The following SEMA6A variants were observed in gnomAD, a reference collection of about 807,000 sequenced individuals.
SEMA6A encodes semaphorin 6A, also known as semaphorin-6A.
SEMA6A carries 25 observed loss-of-function variants against 96.8 expected under a neutral mutation model. The observed-to-expected ratio is 0.26, with a 90% confidence interval of 0.19 to 0.36. The LOEUF is 0.36. SEMA6A is among the 10% of genes least tolerant of loss of function. SEMA6A has a pLI of 1.00. For missense variants in SEMA6A, 1,363 were observed against 1,323.1 expected (o/e 1.03, Z -0.47); for synonymous variants, 612 against 518.0 (o/e 1.18, Z -2.46).
chr5:116,491,905 G>C, intron 6 of SEMA6A, 75 bp from the exon 7 acceptor site: 1 of 1,170,736 alleles, frequency 8.5e-7, no homozygotes, highest in Non-Finnish European at 1.3e-6. Context: ...ATAATTTCCA[G>C]GATGTGACAG....
In SEMA6A at chr5:116,496,260, T is replaced by C. The variant is rs767183103; in HGVS notation, c.333A>G (p.Gly111=). Residue 111 remains glycine (G), a synonymous_variant, in exon 5 of 19, where the codon GGA becomes GGG. Coordinates refer to ENST00000343348, the MANE Select transcript of SEMA6A (RefSeq NM_020796.5). ...AATGAAAATTGCCTACCTTATGTTT[T>C]CCCTTCATTCTGCATGTGTCTACAT... The part of the protein sequence containing the change: ...QADVDTCRMK[G]KHKDECHNFI... The C allele has an allele frequency of 1.2e-5, 19 of 1,613,044 alleles. No homozygotes were observed. Among genetic ancestry groups the C allele is most frequent in the Non-Finnish European group, 1.4e-5 (17 of 1,179,670 alleles).
chr5:116,473,030 G>A lies in SEMA6A; in HGVS notation c.1729+43C>T, dbSNP rs200947402. The A allele has an allele frequency of 1.2e-5, 19 of 1,569,986 alleles. No homozygotes were observed. In the East Asian group the frequency reaches 4.2e-4, roughly 34 times the overall value. On this transcript the variant is annotated intron_variant, in intron 17 of 18. Coordinates refer to ENST00000343348, the MANE Select transcript of SEMA6A (RefSeq NM_020796.5). Reference sequence around the variant, plus strand: ...TTAATGAAATAGACATTCTCAGATAGGTTTCCACCAGTATGGAATTATGAG... The same window carrying A: ...TTAATGAAATAGACATTCTCAGATAAGTTTCCACCAGTATGGAATTATGAG...
chr5:116,446,564 G>C lies in SEMA6A; in HGVS notation c.*49C>G. 1 of 1,422,192 alleles carries C rather than the reference G, an allele frequency of 7.0e-7. No homozygotes were observed. The highest frequency in any genetic ancestry group is 9.3e-7 in the Non-Finnish European group (1 of 1,071,830). The allele number at this position is 1,422,192 out of a possible 1,614,324, so 88.1% of individuals were successfully genotyped here. A position where few individuals can be genotyped will look rare whatever the true frequency, so the allele number is the denominator to read the frequency against. ...TTGAGAACCTTGCTGAGCTGAGCGG[G>C]CACCTCGCCTTGCCTGCTGGTTCGA... is the stretch of plus-strand genomic sequence containing the variant. On this transcript the variant is annotated 3_prime_UTR_variant, in exon 19 of 19. Transcript: ENST00000343348.
intron 1 of SEMA6A, among the ~76,000 whole-genome samples, chr5:116,510,312 A>T (rs772626663): frequency 7.9e-5 from 12 of 152,160 alleles, no homozygotes; most frequent in Non-Finnish European, 1.8e-4. Context: ...GGACCTCATC[A>T]TCTTTGTCTG....
At chr5:116,528,531 T>C (rs1413447618) in intron 1 of SEMA6A, among the ~76,000 whole-genome samples, 2 of 152,170 alleles carry the variant, frequency 1.3e-5, no homozygotes, top group Admixed American at 1.3e-4. Flanking sequence ...TCCACTCAGC[T>C]AATGAGCTTG....
intron 17 of SEMA6A, among the ~76,000 whole-genome samples, chr5:116,469,893 A>T (rs1040944181): frequency 5.3e-5 from 8 of 152,210 alleles, no homozygotes; most frequent in African/African-American, 1.9e-4. Context: ...TTACACAAAT[A>T]TGAGAAATCA....
chr5:116,531,876 C>T lies in SEMA6A; in HGVS notation c.-38-26894G>A, dbSNP rs1448120982. On this transcript the variant is annotated intron_variant, in intron 1 of 18. Coordinates refer to ENST00000343348, the MANE Select transcript of SEMA6A (RefSeq NM_020796.5). ...GTTACTTGTTCCTAACTGTCCTTCC[C>T]ACCAAGCCACTCACCCTGCCACTCT... Among the ~76,000 whole-genome samples the T allele has an allele frequency of 2.6e-5, 4 of 152,176 alleles. No individual in the cohort carries two copies. In the East Asian group the frequency reaches 5.8e-4, roughly 22 times the overall value.
chr5:116,489,498 T>C (rs904143766), intron 7 of SEMA6A, among the ~76,000 whole-genome samples: 2 of 152,140 alleles, frequency 1.3e-5, no homozygotes, highest in African/African-American at 4.8e-5. Flanking sequence ...AGAGGGTTCA[T>C]AAGCAAAAAC....
At position 116,501,391 on chromosome 5, in the gene SEMA6A, G is replaced by A. The variant is rs149817247; in HGVS notation, c.218+819C>T. On this transcript the variant is annotated intron_variant, in intron 3 of 18. Transcript: ENST00000343348. The stretch of plus-strand genomic sequence containing the variant: ...TCTAAATAACATTTCCCCAATGGAT[G>A]AGTATTTTTTTTTTACTAAAACCAA... Among the ~76,000 whole-genome samples the A allele has an allele frequency of 1.3e-4, 20 of 152,180 alleles. No homozygotes were observed. The East Asian group carries it at 3.7e-3, about 28-fold the overall frequency.
intron 1 of SEMA6A, among the ~76,000 whole-genome samples, chr5:116,513,119 G>A (rs1466002309): frequency 2.0e-5 from 3 of 151,878 alleles, no homozygotes; most frequent in Non-Finnish European, 4.4e-5. Context: ...CCATTATAAA[G>A]GCAGCTATCT....
intron 1 of SEMA6A, among the ~76,000 whole-genome samples, chr5:116,524,080 C>A (rs1194242590): frequency 1.3e-5 from 2 of 152,178 alleles, no homozygotes; most frequent in Non-Finnish European, 2.9e-5. Flanking sequence ...TACAGGGAGG[C>A]ATACAGAAAC....
intron 2 of SEMA6A, among the ~76,000 whole-genome samples, chr5:116,503,451 A>G (rs1757989838): frequency 6.6e-6 from 1 of 151,910 alleles, no homozygotes; most frequent in African/African-American, 2.4e-5. Context: ...AAATGTCTCT[A>G]CGATCATGGA....
chr5:116,535,949 C>A (rs1031319744), intron 1 of SEMA6A, among the ~76,000 whole-genome samples: 3 of 152,164 alleles, frequency 2.0e-5, no homozygotes, highest in Non-Finnish European at 4.4e-5. Flanking sequence ...AAATTAAATA[C>A]CAACCCCCAA....
rs768896966 is a variant in SEMA6A, at chr5:116,482,459, C to T, written c.1079G>A (p.Arg360Gln). ...TTGCACATACCTGGGCTTAGGAACT[C>T]GTTCATCAGGAACTGGTGTCCAGGT... ...DSTWTPVPDE[R>Q]VPKPRPGCCA... Residue 360 changes from arginine (R) to glutamine (Q), a missense_variant, in exon 11 of 19, where the codon CGA becomes CAA. Physicochemically the swap from Arg to Gln is conservative, Grantham distance 43 (BLOSUM62 1). This residue lies in a region of SEMA6A where 480 missense variants were observed against 559.5 expected (regional missense o/e 0.86). Transcript: ENST00000343348. 2.5e-6 allele frequency: 4 copies of T among 1,613,198 alleles called. No homozygotes were observed. Among genetic ancestry groups the T allele is most frequent in the African/African-American group, 1.3e-5 (1 of 75,002 alleles).
At chr5:116,572,523 T>C (rs1158737907) in intron 1 of SEMA6A, among the ~76,000 whole-genome samples, 1 of 152,138 alleles carries the variant, frequency 6.6e-6, no homozygotes, top group Non-Finnish European at 1.5e-5. Flanking sequence ...CCTCCCTCCC[T>C]GGATAGCCAC....
chr5:116,464,928 T>G (rs572420951), intron 18 of SEMA6A, among the ~76,000 whole-genome samples: 1 of 152,138 alleles, frequency 6.6e-6, no homozygotes, highest in Admixed American at 6.5e-5. Flanking sequence ...CAATGGACAC[T>G]TGACTCCTCA....
intron 17 of SEMA6A, among the ~76,000 whole-genome samples, chr5:116,470,067 G>T (rs1580396929): frequency 6.6e-6 from 1 of 152,248 alleles, no homozygotes; most frequent in Middle Eastern, 3.4e-3. Flanking sequence ...GGAAACACGT[G>T]CCAGTGGTGA....
intron 2 of SEMA6A, among the ~76,000 whole-genome samples, chr5:116,503,305 C>G (rs1369604423): frequency 6.6e-6 from 1 of 152,172 alleles, no homozygotes. Context: ...GACCATTACT[C>G]ACAGTGGGTA....
rs549919885 is a variant in SEMA6A, at chr5:116,554,350, T to A, written c.-39+19835A>T. Reference sequence around the variant, plus strand: ...TGAAATCAAACTTAATTGTATCCTGTACAAGTAGGAGCAAGCCCTATCTAA... The same window carrying A: ...TGAAATCAAACTTAATTGTATCCTGAACAAGTAGGAGCAAGCCCTATCTAA... On this transcript the variant is annotated intron_variant, in intron 1 of 18. Coordinates refer to ENST00000343348, the MANE Select transcript of SEMA6A (RefSeq NM_020796.5). Among the ~76,000 whole-genome samples, 27 of 152,292 alleles carry A rather than the reference T, an allele frequency of 1.8e-4. No individual in the cohort carries two copies. The South Asian group carries it at 5.0e-3, about 28-fold the overall frequency.
Sources: gnomAD v4.1 joint callset for allele counts (sites outside exome capture counted in the v4.1 genomes callset) on GRCh38, gnomAD v4.1.1 for gene constraint, gnomAD v4.1.1 regional missense constraint, MANE v1.5 for transcripts, NCBI Gene and HGNC (gene_info 2026-07-23, HGNC 2026-07-21) for gene names.